Variants in MEGF11 observed in about 807,000 individuals in gnomAD.
MEGF11 encodes multiple epidermal growth factor-like domains protein 11.
A neutral mutation model predicts 146.6 loss-of-function variants in MEGF11; 126 were observed. The observed-to-expected ratio is 0.86, with a 90% CI of 0.74 to 1.00. The LOEUF (loss-of-function observed/expected upper bound fraction) is 1.00, where lower values mean the gene tolerates loss of function less well. MEGF11 is among the 50% of genes least tolerant of loss of function. The probability of loss-of-function intolerance (pLI) is 0.00; values close to 1 mark genes in which losing one functional copy is unlikely to be tolerated. For missense variants in MEGF11, 1,509 were observed against 1,521.2 expected, an observed-to-expected ratio of 0.99 and a Z score of 0.13; for synonymous variants, 532 against 583.4, an observed-to-expected ratio of 0.91 and a Z score of 1.27.
chr15:66,063,364 T>C (rs1387277750), intron 5 of MEGF11, among the ~76,000 whole-genome samples: 2 of 152,192 alleles, frequency 1.3e-5, no homozygotes, highest in Non-Finnish European at 2.9e-5. Flanking sequence ...GGAGCCCAGA[T>C]GAGAGGCAGT....
Position 65,909,734 on chromosome 15 carries a change from A to G in MEGF11, c.2896+6T>C. On this transcript the variant is annotated splice_donor_region_variant and intron_variant, in intron 22 of 25. Transcript: ENST00000395614. ...TGGTGGGGACCAGACTCACACCACT[A>G]CTGACCTAACACGTTCACATAGCTG... 6.4e-7 allele frequency: 1 copy of G among 1,571,148 alleles called. No homozygotes were observed. The highest frequency in any genetic ancestry group is 8.6e-7 in the Non-Finnish European group (1 of 1,166,244).
At chr15:65,952,452 C>T (rs1026536878) in intron 10 of MEGF11, among the ~76,000 whole-genome samples, 2 of 152,152 alleles carry the variant, frequency 1.3e-5, no homozygotes, top group Non-Finnish European at 2.9e-5. Flanking sequence ...GAAAGGTCCT[C>T]ACCTCCTGGA....
At chr15:66,049,084 T>C (rs1206231720) in intron 5 of MEGF11, among the ~76,000 whole-genome samples, 1 of 152,072 alleles carries the variant, frequency 6.6e-6, no homozygotes, top group African/African-American at 2.4e-5. Context: ...AGTGCCCAAA[T>C]TGCATCCCTC....
chr15:66,074,444 AT>A (rs1225583501), intron 5 of MEGF11, among the ~76,000 whole-genome samples: 2 of 152,232 alleles, frequency 1.3e-5, no homozygotes, highest in Admixed American at 6.5e-5. Context: ...GCTTTTCACC[AT>A]TATGAACAAT....
At chr15:65,945,737 T>G (rs1450475676) in intron 10 of MEGF11, among the ~76,000 whole-genome samples, 1 of 152,184 alleles carries the variant, frequency 6.6e-6, no homozygotes, top group African/African-American at 2.4e-5. Context: ...GACAGGTGCC[T>G]GATTCCCCCA....
chr15:66,091,558 C>G (rs1161634060), intron 5 of MEGF11, among the ~76,000 whole-genome samples: 1 of 152,228 alleles, frequency 6.6e-6, no homozygotes. Context: ...CATCAACTAA[C>G]TGTGTCTGCT....
intron 1 of MEGF11, among the ~76,000 whole-genome samples, chr15:66,214,548 G>A (rs1333707075): frequency 6.6e-6 from 1 of 152,204 alleles, no homozygotes; most frequent in Admixed American, 6.5e-5. Context: ...AGAAGGGGCA[G>A]GCCTCTGGGA....
chr15:66,051,477 A>G (rs2084442478), intron 5 of MEGF11, among the ~76,000 whole-genome samples: 1 of 152,088 alleles, frequency 6.6e-6, no homozygotes, highest in Non-Finnish European at 1.5e-5. Context: ...GTCTGTCTCA[A>G]CTCCATCCAG....
intron 21 of MEGF11, among the ~76,000 whole-genome samples, chr15:65,910,484 T>C (rs2078766810): frequency 6.6e-6 from 1 of 152,144 alleles, no homozygotes; most frequent in Non-Finnish European, 1.5e-5. Flanking sequence ...GTCCTTTCCA[T>C]GTCATCACAG....
chr15:65,946,130 T>C (rs185053849), intron 10 of MEGF11, among the ~76,000 whole-genome samples: 1 of 152,320 alleles, frequency 6.6e-6, no homozygotes, highest in Admixed American at 6.5e-5. Flanking sequence ...TATTATTACA[T>C]ATGACCCAAC....
At chr15:66,245,752 A>G (rs2092287150) in intron 1 of MEGF11, among the ~76,000 whole-genome samples, 1 of 151,942 alleles carries the variant, frequency 6.6e-6, no homozygotes, top group South Asian at 2.1e-4. Context: ...CATTGCAGAG[A>G]CTCTACCCCT....
rs1340687579 is a variant in MEGF11 at position 65,897,410 on chromosome 15, C to T, written c.*524G>A. 1 of 152,174 alleles carries T rather than the reference C, an allele frequency of 6.6e-6. No homozygotes were observed. Among genetic ancestry groups the T allele is most frequent in the African/African-American group, 2.4e-5 (1 of 41,436 alleles). 9.4% of individuals were successfully genotyped at this position (152,174 alleles called of 1,614,324 possible). The stretch of plus-strand genomic sequence containing the variant: ...GGCTGTTGTAATTTGATGGACCAGA[C>T]AGATATGTACAGACATTTTAAGACT... On this transcript the variant is annotated 3_prime_UTR_variant, in exon 26 of 26. Transcript: ENST00000395614.
chr15:66,128,503 G>A, intron 1 of MEGF11, 92 bp from the exon 2 acceptor site: 2 of 632,260 alleles, frequency 3.2e-6, no homozygotes, highest in East Asian at 6.8e-5. Flanking sequence ...ATGAGCATTT[G>A]ATATTTCACA....
At chr15:66,135,546 A>G (rs2088851413) in intron 1 of MEGF11, among the ~76,000 whole-genome samples, 1 of 152,114 alleles carries the variant, frequency 6.6e-6, no homozygotes. Flanking sequence ...TCCCTGCAGG[A>G]AGAGGCCTCT....
intron 7 of MEGF11, among the ~76,000 whole-genome samples, chr15:65,973,131 A>AG (rs977487065): frequency 4.6e-5 from 7 of 151,820 alleles, no homozygotes; most frequent in African/African-American, 1.7e-4. Context: ...AAAAAAAAAA[A>AG]AAGAATTACC....
At chr15:66,167,658 AAAACAAACAAAC>A (rs146994991) in intron 1 of MEGF11, among the ~76,000 whole-genome samples, 4 of 151,078 alleles carry the variant, frequency 2.6e-5, no homozygotes, top group African/African-American at 7.3e-5. Flanking sequence ...ACAAACAAAC[AAAACAAACAAAC>A]AAACAAACAA....
At position 66,010,590 on chromosome 15, in the gene MEGF11, G is replaced by C. The variant is rs555320359; in HGVS notation, c.395-28102C>G. On this transcript the variant is annotated intron_variant, in intron 5 of 25. Transcript: ENST00000395614. ...CGGCCCATGGACTGCAGGTTGGACA[G>C]CTCTATTGAATAGAGTGCAGGGTTT... 1.3e-3 allele frequency among the ~76,000 whole-genome samples: 199 copies of C among 152,304 alleles called. 2 individuals carry two copies. Among genetic ancestry groups the C allele is most frequent in the African/African-American group, 4.7e-3 (197 of 41,564 alleles).
intron 10 of MEGF11, among the ~76,000 whole-genome samples, chr15:65,941,438 A>T (rs2141374320): frequency 6.7e-6 from 1 of 149,876 alleles, no homozygotes; most frequent in Admixed American, 6.7e-5. Context: ...ACAAAGTGAG[A>T]CTCCATCTCA....
rs1161054584 is a variant in MEGF11, at chr15:65,922,891, C to G, written c.1754G>C (p.Gly585Ala). ...CSVSCSCENG[G>A]SCSPEDGSCE... ...GCTCCCATCCTCTGGGGAGCAGGAG[C>G]CTCCATTCTCACAGCTGCAGGAGAC... The change falls in exon 14 of 26, where the codon GGC becomes GCC. Residue 585 changes from glycine (G) to alanine (A), a missense_variant. By Grantham distance (60) the Gly-to-Ala change is moderately conservative. Coordinates refer to ENST00000395614, the MANE Select transcript of MEGF11 (RefSeq NM_001385028.1). 1.2e-6 allele frequency: 2 copies of G among 1,613,080 alleles called. No individual in the cohort carries two copies. Among genetic ancestry groups the G allele is most frequent in the Non-Finnish European group, 1.7e-6 (2 of 1,179,716 alleles).
Sources: gnomAD v4.1 joint callset for allele counts (sites outside exome capture counted in the v4.1 genomes callset) on GRCh38, gnomAD v4.1.1 for gene constraint, MANE v1.5 for transcripts, NCBI Gene and HGNC (gene_info 2026-07-23, HGNC 2026-07-21) for gene names.